FER1L6: variants seen among roughly 807,000 people sequenced by gnomAD.
The protein encoded by FER1L6 is fer-1 like family member 6.
FER1L6 carries 177 observed loss-of-function variants against 219.2 expected under a neutral mutation model. The ratio of observed to expected loss-of-function variants is 0.81; its 90% CI spans 0.71 to 0.91. The LOEUF is 0.91. Ranked by LOEUF, FER1L6 falls within the 40% of genes least tolerant of loss-of-function variation. The pLI is 0.00. For missense variants in FER1L6, 2,153 were observed against 2,259.9 expected (o/e 0.95, Z 0.96); for synonymous variants, 768 against 824.3 (o/e 0.93, Z 1.17).
At chr8:123,866,257 A>G (rs1816836732) in intron 1 of FER1L6, among the ~76,000 whole-genome samples, 1 of 151,870 alleles carries the variant, frequency 6.6e-6, no homozygotes, top group Non-Finnish European at 1.5e-5. Context: ...GTTGTCACAG[A>G]TGTCAGCATT....
At chr8:123,924,651 C>A (rs1411388693) in intron 1 of FER1L6, 3 of 152,176 alleles carry the variant, frequency 2.0e-5, no homozygotes, top group Non-Finnish European at 4.4e-5. Flanking sequence ...GAAGCCCTGG[C>A]ACTCAGAGGC....
intron 1 of FER1L6, among the ~76,000 whole-genome samples, chr8:123,937,365 A>G (rs1269839322): frequency 6.6e-6 from 1 of 152,220 alleles, no homozygotes; most frequent in Non-Finnish European, 1.5e-5. Context: ...ATTATCATAA[A>G]TTTTATGAAA....
chr8:124,086,447 CAA>C (rs202042174), intron 33 of FER1L6, among the ~76,000 whole-genome samples: 13 of 138,984 alleles, frequency 9.4e-5, no homozygotes, highest in African/African-American at 2.9e-4. Flanking sequence ...CATAAACAAA[CAA>C]AAAAAAAAAG....
intron 1 of FER1L6, among the ~76,000 whole-genome samples, chr8:123,946,112 G>C (rs1158975762): frequency 6.6e-6 from 1 of 152,188 alleles, no homozygotes; most frequent in Non-Finnish European, 1.5e-5. Context: ...AGCATTCCTA[G>C]TGGCTAAACA....
chr8:123,951,848 T>C (rs1364457072), intron 1 of FER1L6, among the ~76,000 whole-genome samples: 1 of 152,224 alleles, frequency 6.6e-6, no homozygotes, highest in Admixed American at 6.5e-5. Flanking sequence ...ACCTGTATCC[T>C]GAGTCCTCTT....
chr8:123,931,874 G>A (rs1250908296), intron 1 of FER1L6, among the ~76,000 whole-genome samples: 1 of 152,236 alleles, frequency 6.6e-6, no homozygotes, highest in Non-Finnish European at 1.5e-5. Context: ...AGGGAGTGCA[G>A]TGACATGGAA....
intron 1 of FER1L6, among the ~76,000 whole-genome samples, chr8:123,929,524 G>A (rs1204947424): frequency 6.6e-6 from 1 of 152,176 alleles, no homozygotes; most frequent in Non-Finnish European, 1.5e-5. Context: ...CTTTTCTAGG[G>A]AGGAAGTCTG....
At chr8:123,885,049 C>G (rs1377515788) in intron 1 of FER1L6, among the ~76,000 whole-genome samples, 2 of 152,160 alleles carry the variant, frequency 1.3e-5, no homozygotes, top group Admixed American at 1.3e-4. Flanking sequence ...GAGGCAGAGA[C>G]TGGAGTGATG....
intron 1 of FER1L6, among the ~76,000 whole-genome samples, chr8:123,906,872 A>T (rs1812963655): frequency 6.6e-6 from 1 of 151,868 alleles, no homozygotes; most frequent in Non-Finnish European, 1.5e-5. Context: ...TTAAAGAAAG[A>T]CCAACTGAGA....
intron 39 of FER1L6, among the ~76,000 whole-genome samples, chr8:124,110,025 A>G (rs1822953427): frequency 6.6e-6 from 1 of 152,088 alleles, no homozygotes; most frequent in Non-Finnish European, 1.5e-5. Flanking sequence ...TCCCTAATAT[A>G]TGTTCCCCTA....
At chr8:124,017,858 A>G in intron 16 of FER1L6, 140 bp downstream of exon 16, 1 of 599,690 alleles carries the variant, frequency 1.7e-6, no homozygotes, top group Non-Finnish European at 2.9e-6. Context: ...AAAAGGGACT[A>G]TTTGTTAAGT....
chr8:124,048,317 G>A (rs7001300), intron 21 of FER1L6, among the ~76,000 whole-genome samples: 126,127 of 152,248 alleles, frequency 0.83, 52,462 homozygotes, highest in Non-Finnish European at 0.87. Context: ...CTTTCACTCA[G>A]CCAGCATGCA....
rs1818548299 is a variant in FER1L6, at chr8:124,023,383, G to A, written c.2134-61G>A. 6 of 1,548,294 alleles carry A rather than the reference G, an allele frequency of 3.9e-6. No homozygotes were observed. In the South Asian group the frequency reaches 7.0e-5, roughly 18 times the overall value. On this transcript the variant is annotated intron_variant, in intron 17 of 40. Transcript: ENST00000522917. ...ATAGCAGAACTCTGCAAGTGCCTTTGTTCAATGCCAACCTTTCAAATCCCA... is the reference window on the plus strand; with the variant it reads ...ATAGCAGAACTCTGCAAGTGCCTTTATTCAATGCCAACCTTTCAAATCCCA...
In FER1L6 at chr8:124,049,688, T is replaced by C. The variant is rs1408937855; in HGVS notation, c.2806T>C (p.Cys936Arg). The C allele has an allele frequency of 9.9e-6, 16 of 1,613,974 alleles. No individual in the cohort carries two copies. Among genetic ancestry groups the C allele is most frequent in the Admixed American group, 5.0e-5 (3 of 60,008 alleles). Reference protein sequence around the residue: ...ADQDYEPPRLCYHPIFCGNLS... With the variant: ...ADQDYEPPRLRYHPIFCGNLS... The stretch of plus-strand genomic sequence containing the variant: ...CCAGGACTATGAGCCCCCCAGGTTA[T>C]GCTATCACCCCATCTTTTGTGGGAA... The change falls in exon 22 of 41, where the codon TGC (cysteine) becomes CGC (arginine). Residue 936 changes from cysteine to arginine, a missense_variant. By Grantham distance (180) the Cys-to-Arg change is radical. Coordinates refer to ENST00000522917, the MANE Select transcript of FER1L6 (RefSeq NM_001039112.2).
At chr8:124,071,704 C>T in intron 31 of FER1L6, 73 bp downstream of exon 31, 2 of 1,515,230 alleles carry the variant, frequency 1.3e-6, no homozygotes, top group Non-Finnish European at 1.8e-6. Flanking sequence ...ATATGGCAGA[C>T]TGGGAGGCTT....
Position 124,091,408 on chromosome 8 carries a change from C to T in FER1L6, c.4392-15C>T. 6.2e-7 allele frequency: 1 copy of T among 1,611,096 alleles called. No homozygotes were observed. Among genetic ancestry groups the T allele is most frequent in the Non-Finnish European group, 8.5e-7 (1 of 1,177,628 alleles). The stretch of plus-strand genomic sequence containing the variant: ...AAGTGAGGACCTCAAAGTGTGTTCT[C>T]CCTCCACTTTTCAGAGAAGGATACA... On this transcript the variant is annotated splice_polypyrimidine_tract_variant and intron_variant, in intron 33 of 40. Transcript: ENST00000522917.
chr8:124,054,576 T>A (rs1820197727), intron 22 of FER1L6, among the ~76,000 whole-genome samples: 1 of 152,254 alleles, frequency 6.6e-6, no homozygotes, highest in Admixed American at 6.5e-5. Context: ...TATTAAGCTG[T>A]CCTGAAATTT....
intron 33 of FER1L6, among the ~76,000 whole-genome samples, chr8:124,083,519 A>C (rs1312212286): frequency 6.6e-6 from 1 of 152,184 alleles, no homozygotes; most frequent in Non-Finnish European, 1.5e-5. Context: ...ATCTTTGTTG[A>C]AAATGAGTTC....
chr8:123,916,455 T>C (rs1238850404), intron 1 of FER1L6, among the ~76,000 whole-genome samples: 1 of 152,214 alleles, frequency 6.6e-6, no homozygotes, highest in East Asian at 1.9e-4. Context: ...TCTCTCCATA[T>C]GTTTGCCCTA....
Sources: gnomAD v4.1 joint callset for allele counts (sites outside exome capture counted in the v4.1 genomes callset) on GRCh38, gnomAD v4.1.1 for gene constraint, MANE v1.5 for transcripts, NCBI Gene and HGNC (gene_info 2026-07-23, HGNC 2026-07-21) for gene names.